ZNF611: variants seen among roughly 807,000 people sequenced by gnomAD.
ZNF611 encodes zinc finger protein 611.
A neutral mutation model predicts 8.9 loss-of-function variants in ZNF611; 6 were observed. The ratio of observed to expected loss-of-function variants is 0.68; its 90% CI spans 0.37 to 1.34. The LOEUF is 1.34. Ranked by LOEUF, ZNF611 falls within the 40% of genes most tolerant of loss-of-function variation. The probability of loss-of-function intolerance (pLI) is 0.02; values close to 1 mark genes in which losing one functional copy is unlikely to be tolerated. For missense variants in ZNF611, 874 were observed against 841.3 expected (o/e 1.04, Z -0.48); for synonymous variants, 262 against 279.7 (o/e 0.94, Z 0.63).
chr19:52,730,549 A>G (rs66757791), intron 1 of ZNF611, among the ~76,000 whole-genome samples: 42,405 of 151,918 alleles, frequency 0.28, 6,017 homozygotes, highest in African/African-American at 0.32. Flanking sequence ...TTGACTACAC[A>G]TGAATAGGTC....
chr19:52,713,959 A>T (rs2062297491), intron 5 of ZNF611, 56 bp downstream of exon 5: 1 of 1,600,556 alleles, frequency 6.2e-7, no homozygotes. Context: ...CAAAGCCAGG[A>T]TGAGCCAAGA....
intron 5 of ZNF611, chr19:52,711,168 A>G (rs1051078787): frequency 6.6e-6 from 1 of 151,846 alleles, no homozygotes; most frequent in Non-Finnish European, 1.5e-5. Context: ...CCCCATCTCT[A>G]CTAAAAATAC....
At position 52,704,761 on chromosome 19, in the gene ZNF611, T is replaced by A; in HGVS notation, c.*176A>T. On this transcript the variant is annotated 3_prime_UTR_variant, in exon 6 of 6. Transcript: ENST00000652185. Reference sequence around the variant, plus strand: ...CTGCTTGCCAAAGGCTTTGCCACACTCATTACACTTGTAAGGTTTCTCTCC... The same window carrying A: ...CTGCTTGCCAAAGGCTTTGCCACACACATTACACTTGTAAGGTTTCTCTCC... 6.3e-7 allele frequency: 1 copy of A among 1,595,280 alleles called. No homozygotes were observed. Among genetic ancestry groups the A allele is most frequent in the Non-Finnish European group, 8.6e-7 (1 of 1,163,706 alleles).
rs1056245291 is a variant in ZNF611, at chr19:52,729,964, A to G, written c.-180T>C. 4 of 152,252 alleles carry G rather than the reference A, an allele frequency of 2.6e-5. No homozygotes were observed. The highest frequency in any genetic ancestry group is 5.9e-5 in the Non-Finnish European group (4 of 68,044). The allele number at this position is 152,252 out of a possible 1,614,324, so 9.4% of individuals were successfully genotyped here. A position where few individuals can be genotyped will look rare whatever the true frequency, so the allele number is the denominator to read the frequency against. ...ACAGCTGCATATCACCAGGCAATAC[A>G]GCAATTTTGTATATATGCATTGTCC... On this transcript the variant is annotated 5_prime_UTR_variant, in exon 2 of 6. Transcript: ENST00000652185.
chr19:52,727,579 G>A (rs558747278), intron 3 of ZNF611, among the ~76,000 whole-genome samples: 87 of 152,278 alleles, frequency 5.7e-4, no homozygotes, highest in African/African-American at 1.9e-3. Flanking sequence ...TTAGCTGGAC[G>A]TGGTGGCAGG....
At chr19:52,710,933 T>C (rs1207568410) in intron 5 of ZNF611, among the ~76,000 whole-genome samples, 1 of 115,722 alleles carries the variant, frequency 8.6e-6, no homozygotes, top group African/African-American at 3.6e-5. Flanking sequence ...GATTATGTCC[T>C]GAGGCAGGAC....
chr19:52,717,024 C>A (rs2062321990), intron 3 of ZNF611, among the ~76,000 whole-genome samples: 1 of 151,336 alleles, frequency 6.6e-6, no homozygotes, highest in Admixed American at 6.6e-5. Flanking sequence ...CAAAACGAGA[C>A]TTCATCTCAA....
intron 3 of ZNF611, among the ~76,000 whole-genome samples, chr19:52,723,148 T>C (rs756045946): frequency 2.6e-5 from 4 of 151,916 alleles, no homozygotes; most frequent in Non-Finnish European, 4.4e-5. Flanking sequence ...TCCCTGGGAT[T>C]GTGCTCCTTA....
chr19:52,731,364 CCTTT>C (rs1424669640), intron 1 of ZNF611, among the ~76,000 whole-genome samples: 2 of 151,378 alleles, frequency 1.3e-5, no homozygotes, highest in East Asian at 2.0e-4. Flanking sequence ...CTTTGATGTT[CCTTT>C]CTTTTTCTTT....
Position 52,704,871 on chromosome 19 carries a change from T to TA in ZNF611, c.*65dup. 7 of 1,608,898 alleles carry TA rather than the reference T, an allele frequency of 4.4e-6. No homozygotes were observed. Among genetic ancestry groups the TA allele is most frequent in the Non-Finnish European group, 5.9e-6 (7 of 1,177,336 alleles). ...TTACATTTGTAAGCTTTCTCTCCAGTATAAATTCTCCTATGTCTTTAAGGT... is the reference window on the plus strand; with the variant it reads ...TTACATTTGTAAGCTTTCTCTCCAGTAATAAATTCTCCTATGTCTTTAAGGT... On this transcript the variant is annotated 3_prime_UTR_variant, in exon 6 of 6. Coordinates refer to ENST00000652185, the MANE Select transcript of ZNF611 (RefSeq NM_001161499.2).
chr19:52,719,958 G>A (rs529267830), intron 3 of ZNF611, among the ~76,000 whole-genome samples: 5 of 152,226 alleles, frequency 3.3e-5, no homozygotes, highest in Non-Finnish European at 7.3e-5. Flanking sequence ...AGATTAGGGA[G>A]TGGTGATGAC....
rs193093444 is a variant in ZNF611, at chr19:52,710,861, T to A, written c.190+3154A>T. Among the ~76,000 whole-genome samples the A allele has an allele frequency of 1.3e-5, 2 of 152,156 alleles. 1 individual carries two copies. The highest frequency in any genetic ancestry group is 2.9e-5 in the Non-Finnish European group (2 of 68,000). On this transcript the variant is annotated intron_variant, in intron 5 of 5. Coordinates refer to ENST00000652185, the MANE Select transcript of ZNF611 (RefSeq NM_001161499.2). ...GGATGAATCACTAGTAGAAACTCCATCTCTGCTAAAAATACAGAAATTAGC... is the reference window on the plus strand; with the variant it reads ...GGATGAATCACTAGTAGAAACTCCAACTCTGCTAAAAATACAGAAATTAGC...
Position 52,715,933 on chromosome 19 carries a change from A to T in ZNF611, c.-19-20T>A. On this transcript the variant is annotated intron_variant, in intron 3 of 5. Transcript: ENST00000652185. The stretch of plus-strand genomic sequence containing the variant: ...TCAATCCTGTATGTGAAAAAAAATG[A>T]GACTTCATGTTAGAAATGACTCACT... The T allele has an allele frequency of 6.2e-7, 1 of 1,611,016 alleles. No individual in the cohort carries two copies. Among genetic ancestry groups the T allele is most frequent in the Non-Finnish European group, 8.5e-7 (1 of 1,178,904 alleles).
At chr19:52,711,791 C>CA (rs2062281851) in intron 5 of ZNF611, among the ~76,000 whole-genome samples, 1 of 151,818 alleles carries the variant, frequency 6.6e-6, no homozygotes, top group Admixed American at 6.6e-5. Context: ...GAGGGGCTCA[C>CA]GGGGAAATTG....
At chr19:52,716,043 T>C (rs903203733) in intron 3 of ZNF611, 130 bp from the exon 4 acceptor site, 7 of 1,044,390 alleles carry the variant, frequency 6.7e-6, no homozygotes, top group African/African-American at 4.8e-5. Flanking sequence ...CCAGAGATCA[T>C]GCAGAGATAA....
At chr19:52,719,658 T>C (rs2062341363) in intron 3 of ZNF611, among the ~76,000 whole-genome samples, 1 of 152,254 alleles carries the variant, frequency 6.6e-6, no homozygotes, top group Admixed American at 6.5e-5. Context: ...CATCATTCTA[T>C]ACATAGCTCT....
intron 3 of ZNF611, among the ~76,000 whole-genome samples, chr19:52,725,591 G>A (rs1175581665): frequency 2.6e-5 from 4 of 152,178 alleles, no homozygotes; most frequent in South Asian, 2.1e-4. Context: ...ACTCTTATGG[G>A]CGTCTCAATT....
At chr19:52,720,627 C>CA (rs2062351561) in intron 3 of ZNF611, among the ~76,000 whole-genome samples, 1 of 114,052 alleles carries the variant, frequency 8.8e-6, no homozygotes, top group African/African-American at 3.7e-5. Context: ...ACCTCCCAGA[C>CA]GGGGCAGCCG....
intron 5 of ZNF611, chr19:52,711,245 C>T (rs1260063173): frequency 2.0e-5 from 3 of 151,926 alleles, no homozygotes; most frequent in African/African-American, 7.2e-5. Context: ...GGCAGGAGAA[C>T]CATTTGAATC....
Sources: allele counts gnomAD v4.1 joint callset (sites outside exome capture counted in the v4.1 genomes callset), GRCh38; gene constraint gnomAD v4.1.1; transcripts MANE v1.5; gene names NCBI Gene and HGNC (gene_info 2026-07-23, HGNC 2026-07-21).